NOCT: variants seen among roughly 807,000 people sequenced by gnomAD.
NOCT encodes the protein nocturnin, also known as CCR4 carbon catabolite repression 4-like.
In NOCT, 18 loss-of-function variants were observed where a neutral mutation model predicts 35.0. The observed-to-expected ratio is 0.51, with a 90% CI of 0.36 to 0.76. The LOEUF (loss-of-function observed/expected upper bound fraction) is 0.76. Ranked by LOEUF, NOCT falls within the 30% of genes least tolerant of loss-of-function variation. The pLI is 0.01. For missense variants in NOCT, 479 were observed against 541.0 expected (o/e 0.89, Z 1.14); for synonymous variants, 235 against 226.3 (o/e 1.04, Z -0.34).
intron 1 of NOCT, among the ~76,000 whole-genome samples, chr4:139,020,195 C>T (rs1726382074): frequency 6.6e-6 from 1 of 152,194 alleles, no homozygotes; most frequent in South Asian, 2.1e-4. Flanking sequence ...ACATTCCACA[C>T]ACTTAACATT....
chr4:139,038,926 A>ATT (rs144520372), intron 1 of NOCT, among the ~76,000 whole-genome samples: 1 of 151,374 alleles, frequency 6.6e-6, no homozygotes, highest in African/African-American at 2.4e-5. Context: ...GATATGGCAA[A>ATT]TTTTTTTTTG....
At chr4:139,023,268 C>T (rs548453252) in intron 1 of NOCT, among the ~76,000 whole-genome samples, 5 of 152,192 alleles carry the variant, frequency 3.3e-5, no homozygotes, top group South Asian at 2.1e-4. Context: ...CTCTGTTTGC[C>T]GATCTGCAAA....
At chr4:139,029,955 A>C (rs1283247476) in intron 1 of NOCT, among the ~76,000 whole-genome samples, 1 of 152,120 alleles carries the variant, frequency 6.6e-6, no homozygotes. Context: ...GTAGTGGTGC[A>C]ATCTTGGCTC....
intron 1 of NOCT, among the ~76,000 whole-genome samples, chr4:139,027,903 C>A (rs993863992): frequency 2.6e-4 from 40 of 151,916 alleles, no homozygotes; most frequent in Admixed American, 2.6e-3. Context: ...AATATAAAAG[C>A]CTTTCTTAGC....
At chr4:139,029,209 T>A (rs1398279466) in intron 1 of NOCT, among the ~76,000 whole-genome samples, 1 of 152,174 alleles carries the variant, frequency 6.6e-6, no homozygotes, top group African/African-American at 2.4e-5. Context: ...AGCTAACATT[T>A]AGCTAATCAC....
intron 1 of NOCT, among the ~76,000 whole-genome samples, chr4:139,038,957 AT>A (rs1442005765): frequency 6.6e-6 from 1 of 152,150 alleles, no homozygotes; most frequent in Non-Finnish European, 1.5e-5. Context: ...CATATTAAAT[AT>A]TTAGGCTCTG....
chr4:139,035,609 G>A (rs1415955857), intron 1 of NOCT, among the ~76,000 whole-genome samples: 2 of 152,076 alleles, frequency 1.3e-5, no homozygotes, highest in African/African-American at 2.4e-5. Flanking sequence ...GTTTCCTCCT[G>A]TCTGCCCTTA....
chr4:139,020,735 T>C (rs1320976250), intron 1 of NOCT, among the ~76,000 whole-genome samples: 1 of 152,142 alleles, frequency 6.6e-6, no homozygotes, highest in Non-Finnish European at 1.5e-5. Context: ...CCTGGAAAGC[T>C]TGAGAAGCTC....
chr4:139,040,100 G>A (rs1461351926), intron 1 of NOCT, among the ~76,000 whole-genome samples: 2 of 146,670 alleles, frequency 1.4e-5, no homozygotes, highest in African/African-American at 5.1e-5. Flanking sequence ...GAGTGCAGTG[G>A]CGCGATCTCG....
At chr4:139,016,279 G>A in intron 1 of NOCT, 108 bp downstream of exon 1, 1 of 701,330 alleles carries the variant, frequency 1.4e-6, no homozygotes, top group Non-Finnish European at 1.9e-6. Context: ...CGGTCGTGGA[G>A]TCTGGCCTGA....
rs775797715 is a variant in NOCT, at chr4:139,044,974, G to T, written c.796G>T (p.Ala266Ser). The stretch of plus-strand genomic sequence containing the variant: ...CATGACATTGAAAACCAACCAGGTG[G>T]CCATTGCACAGACCCTGGAGTGCAA... ...TAMTLKTNQV[A>S]IAQTLECKES... is the part of the protein sequence containing the mutation. Residue 266 changes from alanine to serine, a missense_variant, in exon 3 of 3, where the codon GCC becomes TCC. Coordinates refer to ENST00000280614, the MANE Select transcript of NOCT (RefSeq NM_012118.4). 21 of 1,614,200 alleles carry T rather than the reference G, an allele frequency of 1.3e-5. No homozygotes were observed. Among genetic ancestry groups the T allele is most frequent in the Non-Finnish European group, 1.8e-5 (21 of 1,180,034 alleles).
chr4:139,026,702 C>T (rs900371026), intron 1 of NOCT, among the ~76,000 whole-genome samples: 21 of 151,820 alleles, frequency 1.4e-4, no homozygotes, highest in African/African-American at 3.4e-4. Context: ...AGGTGCCCAC[C>T]GTCACACCCA....
At chr4:139,043,510 C>T in intron 2 of NOCT, 167 bp downstream of exon 2, 1 of 552,706 alleles carries the variant, frequency 1.8e-6, no homozygotes, top group Non-Finnish European at 3.1e-6. Context: ...AGGGAATCAT[C>T]TGGTTTTCAC....
Position 139,044,784 on chromosome 4 carries a change from C to T in NOCT, c.606C>T (p.Thr202=), listed in dbSNP as rs1363972680. 1 of 1,614,196 alleles carries T rather than the reference C, an allele frequency of 6.2e-7. No homozygotes were observed. The highest frequency in any genetic ancestry group is 1.3e-5 in the African/African-American group (1 of 75,032). ...AAGAGGTGGACCACTATTTTGACAC[C>T]TTCCAGCCACTCCTCAGTAGACTAG... ...CLQEVDHYFD[T]FQPLLSRLGY... Residue 202 remains threonine (T), a synonymous_variant, in exon 3 of 3, where the codon ACC becomes ACT. Coordinates refer to ENST00000280614, the MANE Select transcript of NOCT (RefSeq NM_012118.4).
chr4:139,044,759 A>G lies in NOCT; in HGVS notation c.581A>G (p.Gln194Arg). The change falls in exon 3 of 3, where the codon CAA (glutamine) becomes CGA (arginine). Residue 194 changes from glutamine (Q) to arginine (R), a missense_variant. By Grantham distance (43) the Gln-to-Arg change is conservative (BLOSUM62 1). Around this residue, in one of 2 missense-constraint regions of NOCT, gnomAD observed 214 missense variants for 284.0 expected, o/e 0.75. Transcript: ENST00000280614. Reference protein sequence around the residue: ...LAYQPDILCLQEVDHYFDTFQ... With the variant: ...LAYQPDILCLREVDHYFDTFQ... ...TACCAGCCTGATATATTGTGCCTCC[A>G]AGAGGTGGACCACTATTTTGACACC... The G allele has an allele frequency of 6.2e-7, 1 of 1,614,190 alleles. No homozygotes were observed. The highest frequency in any genetic ancestry group is 8.5e-7 in the Non-Finnish European group (1 of 1,180,002).
chr4:139,031,204 C>T (rs1227949939), intron 1 of NOCT, among the ~76,000 whole-genome samples: 1 of 151,392 alleles, frequency 6.6e-6, no homozygotes, highest in Non-Finnish European at 1.5e-5. Context: ...AGCTGGAGTG[C>T]AGTGGCGCGA....
intron 1 of NOCT, among the ~76,000 whole-genome samples, chr4:139,040,512 T>C (rs973185283): frequency 1.3e-5 from 2 of 152,200 alleles, no homozygotes; most frequent in African/African-American, 4.8e-5. Flanking sequence ...CAGGATTGCT[T>C]TTCTGATTTC....
chr4:139,042,728 C>G (rs1406273493), intron 1 of NOCT, among the ~76,000 whole-genome samples: 1 of 152,036 alleles, frequency 6.6e-6, no homozygotes, highest in African/African-American at 2.4e-5. Flanking sequence ...CTAGCCTGAC[C>G]AACATGGGGA....
intron 1 of NOCT, among the ~76,000 whole-genome samples, chr4:139,024,652 C>T (rs752199832): frequency 4.6e-5 from 7 of 152,086 alleles, no homozygotes; most frequent in East Asian, 1.9e-4. Flanking sequence ...AGTGCTGTGG[C>T]GTGATCTCAG....
Sources: gnomAD v4.1 joint callset for allele counts (sites outside exome capture counted in the v4.1 genomes callset) on GRCh38, gnomAD v4.1.1 for gene constraint, gnomAD v4.1.1 regional missense constraint, MANE v1.5 for transcripts, NCBI Gene and HGNC (gene_info 2026-07-23, HGNC 2026-07-21) for gene names.